TAFA5: variants seen among roughly 807,000 people sequenced by gnomAD.
TAFA5 encodes the protein TAFA chemokine like family member 5, also known as chemokine-like protein TAFA-5.
A neutral mutation model predicts 15.3 loss-of-function variants in TAFA5; 6 were observed. The observed-to-expected ratio is 0.39, with a 90% CI of 0.21 to 0.77. The LOEUF (loss-of-function observed/expected upper bound fraction) is 0.77, where lower values mean the gene tolerates loss of function less well. Ranked by LOEUF, TAFA5 falls within the 30% of genes least tolerant of loss-of-function variation. The pLI is 0.41. For synonymous variants in TAFA5, 103 were observed against 80.7 expected (o/e 1.28, Z -1.48); for missense variants, 161 against 193.1 (o/e 0.83, Z 0.98).
At position 48,675,159 on chromosome 22, in the gene TAFA5, C is replaced by A. The variant is rs146547324; in HGVS notation, c.262+28413C>A. Among the ~76,000 whole-genome samples, 1,061 of 152,322 alleles carry A rather than the reference C, an allele frequency of 7.0e-3. 14 individuals are homozygous for A. The highest frequency in any genetic ancestry group is 0.024 in the African/African-American group (1,013 of 41,576). ...GTTTCACCCTGTTGGCCAGGCTGGT[C>A]TCGAACTCCTGACGTCAGGTGATCC... On this transcript the variant is annotated intron_variant, in intron 2 of 3. Coordinates refer to ENST00000402357, the MANE Select transcript of TAFA5 (RefSeq NM_001082967.3).
At chr22:48,633,734 G>A (rs1926332341) in intron 1 of TAFA5, among the ~76,000 whole-genome samples, 2 of 152,086 alleles carry the variant, frequency 1.3e-5, no homozygotes, top group African/African-American at 2.4e-5. Context: ...ATGTGAGTGC[G>A]TTTGTTTAAA....
At chr22:48,518,940 C>T (rs566277036) in intron 1 of TAFA5, among the ~76,000 whole-genome samples, 193 of 152,244 alleles carry the variant, frequency 1.3e-3, no homozygotes, top group African/African-American at 4.1e-3. Context: ...AGGCGGCCGG[C>T]GGTCCCCCAG....
chr22:48,587,526 T>C (rs1278302062), intron 1 of TAFA5, among the ~76,000 whole-genome samples: 1 of 152,188 alleles, frequency 6.6e-6, no homozygotes, highest in African/African-American at 2.4e-5. Flanking sequence ...CAGTGGCTGC[T>C]GGCCCTGTCC....
At chr22:48,743,342 C>G (rs1001762260) in intron 3 of TAFA5, among the ~76,000 whole-genome samples, 1 of 152,250 alleles carries the variant, frequency 6.6e-6, no homozygotes, top group Non-Finnish European at 1.5e-5. Context: ...CCGCCTCTGT[C>G]TCTGTCTGCA....
intron 1 of TAFA5, among the ~76,000 whole-genome samples, chr22:48,542,870 G>C (rs1922510838): frequency 6.7e-6 from 1 of 149,510 alleles, no homozygotes; most frequent in Non-Finnish European, 1.5e-5. Context: ...AGTATGTATG[G>C]TGTGTGTGAT....
intron 1 of TAFA5, among the ~76,000 whole-genome samples, chr22:48,549,605 C>T (rs945866459): frequency 1.3e-5 from 2 of 152,214 alleles, no homozygotes; most frequent in African/African-American, 4.8e-5. Context: ...CCCAAGGGAC[C>T]ACCTGCTCCT....
At chr22:48,608,313 T>C (rs1242772136) in intron 1 of TAFA5, among the ~76,000 whole-genome samples, 1 of 152,214 alleles carries the variant, frequency 6.6e-6, no homozygotes, top group African/African-American at 2.4e-5. Context: ...CCATCAGCCA[T>C]ATTCACGATA....
intron 2 of TAFA5, among the ~76,000 whole-genome samples, chr22:48,653,365 G>T (rs931994312): frequency 1.3e-5 from 2 of 152,202 alleles, no homozygotes; most frequent in African/African-American, 4.8e-5. Context: ...GATGTGAATT[G>T]CTTCAGTCCA....
At chr22:48,692,965 C>T (rs1292366477) in intron 2 of TAFA5, among the ~76,000 whole-genome samples, 4 of 152,210 alleles carry the variant, frequency 2.6e-5, no homozygotes, top group East Asian at 1.9e-4. Context: ...CCTTGGGCCC[C>T]GTCATCTTGA....
chr22:48,533,723 C>T lies in TAFA5; in HGVS notation c.112+44019C>T, dbSNP rs5767183. Among the ~76,000 whole-genome samples, 34 of 152,322 alleles carry T rather than the reference C, an allele frequency of 2.2e-4. No homozygotes were observed. In the East Asian group the frequency reaches 3.9e-3, roughly 17 times the overall value. On this transcript the variant is annotated intron_variant, in intron 1 of 3. Coordinates refer to ENST00000402357, the MANE Select transcript of TAFA5 (RefSeq NM_001082967.3). Reference sequence around the variant, plus strand: ...TTGGTCCCTGGCCAGAATGAAATTTCGCAGTGAGCTGTTGCCCAGAGAAGG... The same window carrying T: ...TTGGTCCCTGGCCAGAATGAAATTTTGCAGTGAGCTGTTGCCCAGAGAAGG...
At chr22:48,540,355 G>C (rs868863493) in intron 1 of TAFA5, among the ~76,000 whole-genome samples, 1 of 152,246 alleles carries the variant, frequency 6.6e-6, no homozygotes, top group African/African-American at 2.4e-5. Context: ...GAGGGGTGGG[G>C]GAGGCAGATC....
At chr22:48,641,258 AG>A (rs1179621648) in intron 1 of TAFA5, among the ~76,000 whole-genome samples, 1 of 152,098 alleles carries the variant, frequency 6.6e-6, no homozygotes, top group Non-Finnish European at 1.5e-5. Flanking sequence ...TTTCCACAGA[AG>A]GGGGTCTCTG....
chr22:48,496,708 G>C (rs1928337460), intron 1 of TAFA5, among the ~76,000 whole-genome samples: 1 of 152,176 alleles, frequency 6.6e-6, no homozygotes, highest in Non-Finnish European at 1.5e-5. Context: ...GTCCTGGTTT[G>C]CAGGTGCACC....
intron 1 of TAFA5, among the ~76,000 whole-genome samples, chr22:48,573,631 G>A (rs978894397): frequency 3.3e-5 from 5 of 152,202 alleles, no homozygotes; most frequent in African/African-American, 7.2e-5. Context: ...CTTGGTGCCC[G>A]GAGAAGTGTG....
chr22:48,705,477 C>T (rs558355670), intron 2 of TAFA5, among the ~76,000 whole-genome samples: 1 of 152,350 alleles, frequency 6.6e-6, no homozygotes, highest in East Asian at 1.9e-4. Context: ...CCTGCCTCCC[C>T]TGCGATGACC....
At chr22:48,625,199 T>C (rs1432971678) in intron 1 of TAFA5, among the ~76,000 whole-genome samples, 1 of 152,010 alleles carries the variant, frequency 6.6e-6, no homozygotes, top group East Asian at 1.9e-4. Flanking sequence ...TGTCATTCAT[T>C]GTTTCTCAGC....
At chr22:48,744,478 C>T (rs1327125318) in intron 3 of TAFA5, among the ~76,000 whole-genome samples, 1 of 152,184 alleles carries the variant, frequency 6.6e-6, no homozygotes, top group African/African-American at 2.4e-5. Context: ...GGCCATGACC[C>T]GTGTGGTTCG....
At chr22:48,608,801 C>G (rs539180673) in intron 1 of TAFA5, among the ~76,000 whole-genome samples, 1 of 152,200 alleles carries the variant, frequency 6.6e-6, no homozygotes, top group Non-Finnish European at 1.5e-5. Context: ...AGCTCCAGGC[C>G]TTCGTTCCAA....
intron 1 of TAFA5, among the ~76,000 whole-genome samples, chr22:48,604,241 G>C (rs943691410): frequency 6.6e-6 from 1 of 152,060 alleles, no homozygotes; most frequent in Admixed American, 6.5e-5. Context: ...TACATCTCAG[G>C]CACTGCGTTC....
Sources: gnomAD v4.1 joint callset for allele counts (sites outside exome capture counted in the v4.1 genomes callset) on GRCh38, gnomAD v4.1.1 for gene constraint, MANE v1.5 for transcripts, NCBI Gene and HGNC (gene_info 2026-07-23, HGNC 2026-07-21) for gene names.